SYT1: variants seen among roughly 807,000 people sequenced by gnomAD.
The protein encoded by SYT1 is synaptotagmin-1.
SYT1 carries 8 observed loss-of-function variants against 44.8 expected under a neutral mutation model. The observed-to-expected ratio is 0.18, with a 90% CI of 0.10 to 0.32. The LOEUF (loss-of-function observed/expected upper bound fraction) is 0.32. Ranked by LOEUF, SYT1 falls within the 10% of genes least tolerant of loss-of-function variation. The pLI, the probability that SYT1 is intolerant of heterozygous loss-of-function variation, is 1.00. For synonymous variants in SYT1, 154 were observed against 188.8 expected, an observed-to-expected ratio of 0.82 and a Z score of 1.51; for missense variants, 286 against 509.3, an observed-to-expected ratio of 0.56 and a Z score of 4.22.
Position 79,175,557 on chromosome 12 carries a change from C to T in SYT1, c.-17-41946C>T, listed in dbSNP as rs977978683. Among the ~76,000 whole-genome samples the T allele has an allele frequency of 2.0e-5, 3 of 152,220 alleles. No individual in the cohort carries two copies. In the South Asian group the frequency reaches 6.2e-4, roughly 32 times the overall value. On this transcript the variant is annotated intron_variant, in intron 3 of 10. Coordinates refer to ENST00000261205, the MANE Select transcript of SYT1 (RefSeq NM_005639.3). ...ATGTATTTCAAAGTAACTTCAGAGA[C>T]ATCTATTTGGCACACTCAAACTTTT...
At chr12:79,033,385 GTC>G (rs1034633200) in intron 2 of SYT1, among the ~76,000 whole-genome samples, 1 of 151,266 alleles carries the variant, frequency 6.6e-6, no homozygotes. Flanking sequence ...GTTGAATGCT[GTC>G]TATTTCTCTC....
At chr12:78,923,592 A>G (rs1877128897) in intron 1 of SYT1, among the ~76,000 whole-genome samples, 1 of 151,868 alleles carries the variant, frequency 6.6e-6, no homozygotes, top group African/African-American at 2.4e-5. Context: ...CAGATTTCAG[A>G]CGTTCAGAAT....
At chr12:79,271,421 T>C (rs1309754174) in intron 4 of SYT1, among the ~76,000 whole-genome samples, 1 of 152,210 alleles carries the variant, frequency 6.6e-6, no homozygotes, top group Non-Finnish European at 1.5e-5. Flanking sequence ...AGGAGCCTAT[T>C]AGGCCATGTA....
chr12:79,229,060 C>T (rs1360863336), intron 4 of SYT1, among the ~76,000 whole-genome samples: 1 of 152,198 alleles, frequency 6.6e-6, no homozygotes, highest in Non-Finnish European at 1.5e-5. Context: ...AAGGCAGGAC[C>T]ATTTTCTTAC....
intron 1 of SYT1, among the ~76,000 whole-genome samples, chr12:78,927,976 C>T (rs772774580): frequency 8.5e-5 from 13 of 152,074 alleles, no homozygotes; most frequent in Non-Finnish European, 1.6e-4. Context: ...TCCCCGTGTT[C>T]TTCTGCTGGG....
intron 9 of SYT1, among the ~76,000 whole-genome samples, chr12:79,382,987 G>A (rs988982088): frequency 3.9e-5 from 6 of 152,166 alleles, no homozygotes; most frequent in African/African-American, 7.2e-5. Context: ...ATGAATGCTC[G>A]AAGGAAGTTT....
At chr12:78,922,062 T>G (rs1003466226) in intron 1 of SYT1, among the ~76,000 whole-genome samples, 1 of 151,922 alleles carries the variant, frequency 6.6e-6, no homozygotes, top group Non-Finnish European at 1.5e-5. Flanking sequence ...AAAAGTTACA[T>G]CTAAATATTA....
intron 1 of SYT1, among the ~76,000 whole-genome samples, chr12:78,971,831 C>T (rs764229941): frequency 1.3e-5 from 2 of 152,068 alleles, no homozygotes; most frequent in Non-Finnish European, 2.9e-5. Flanking sequence ...AACTATACTA[C>T]TAATACGCTG....
At chr12:79,268,169 G>A (rs962119304) in intron 4 of SYT1, among the ~76,000 whole-genome samples, 1 of 152,130 alleles carries the variant, frequency 6.6e-6, no homozygotes, top group Non-Finnish European at 1.5e-5. Flanking sequence ...CATAGATTGT[G>A]ACTTTGTGTA....
At chr12:79,412,206 G>A (rs1159514541) in intron 9 of SYT1, among the ~76,000 whole-genome samples, 1 of 152,042 alleles carries the variant, frequency 6.6e-6, no homozygotes, top group Non-Finnish European at 1.5e-5. Flanking sequence ...CTTCCCTTGG[G>A]GTGGGCTGTC....
At chr12:78,866,278 T>C (rs1360205287) in intron 1 of SYT1, among the ~76,000 whole-genome samples, 1 of 152,216 alleles carries the variant, frequency 6.6e-6, no homozygotes, top group Admixed American at 6.5e-5. Context: ...CAATATTTAA[T>C]GGATGTAAAC....
chr12:79,404,682 A>G (rs1199151666), intron 9 of SYT1, among the ~76,000 whole-genome samples: 1 of 152,214 alleles, frequency 6.6e-6, no homozygotes, highest in Non-Finnish European at 1.5e-5. Flanking sequence ...GTTTCAGCAC[A>G]TAAGATGCTA....
intron 3 of SYT1, among the ~76,000 whole-genome samples, chr12:79,208,911 C>T (rs1470022393): frequency 6.6e-6 from 1 of 152,140 alleles, no homozygotes. Context: ...AAAAAAATCT[C>T]CCTACACCTC....
intron 9 of SYT1, among the ~76,000 whole-genome samples, chr12:79,356,305 T>A (rs1042658407): frequency 2.6e-5 from 4 of 151,930 alleles, no homozygotes; most frequent in Admixed American, 1.3e-4. Context: ...TGCCTTTTTT[T>A]AAATGCCATT....
chr12:79,120,476 G>A (rs1879535790), intron 3 of SYT1, among the ~76,000 whole-genome samples: 1 of 152,060 alleles, frequency 6.6e-6, no homozygotes, highest in African/African-American at 2.4e-5. Context: ...GCTTAAAACA[G>A]CTTCAAGGAT....
At chr12:79,360,484 C>T (rs188751844) in intron 9 of SYT1, among the ~76,000 whole-genome samples, 1 of 152,300 alleles carries the variant, frequency 6.6e-6, no homozygotes, top group Admixed American at 6.5e-5. Context: ...AAGAAAAACA[C>T]TCCAAATTCA....
intron 8 of SYT1, among the ~76,000 whole-genome samples, chr12:79,346,698 C>A (rs77308175): frequency 0.083 from 12,610 of 152,114 alleles, 1,137 homozygotes; most frequent in African/African-American, 0.23. Context: ...GAGCTCCAAA[C>A]AAAATTCGTT....
chr12:79,289,929 C>T (rs1879496570), intron 5 of SYT1, among the ~76,000 whole-genome samples: 1 of 149,970 alleles, frequency 6.7e-6, no homozygotes, highest in Non-Finnish European at 1.5e-5. Context: ...ATCACGTTAC[C>T]TTTAGTGACC....
In SYT1 at chr12:79,141,169, T is replaced by C. The variant is rs578084924; in HGVS notation, c.-17-76334T>C. Among the ~76,000 whole-genome samples, 494 of 152,332 alleles carry C rather than the reference T, an allele frequency of 3.2e-3. 3 individuals are homozygous for C. Among genetic ancestry groups the C allele is most frequent in the African/African-American group, 0.011 (466 of 41,578 alleles). On this transcript the variant is annotated intron_variant, in intron 3 of 10. Transcript: ENST00000261205. ...AACAAATATTTATTTTGCCCTTCCA[T>C]ATGATGTTTATTCATACTCGTCTCC...
Sources: allele counts gnomAD v4.1 joint callset (sites outside exome capture counted in the v4.1 genomes callset), GRCh38; gene constraint gnomAD v4.1.1; transcripts MANE v1.5; gene names NCBI Gene and HGNC (gene_info 2026-07-23, HGNC 2026-07-21).